NR6A1: variants seen among roughly 807,000 people sequenced by gnomAD.
NR6A1 encodes nuclear receptor subfamily 6 group A member 1.
A neutral mutation model predicts 59.1 loss-of-function variants in NR6A1; 7 were observed. The observed-to-expected ratio is 0.12, with a 90% confidence interval of 0.07 to 0.22. The LOEUF is 0.22. NR6A1 is among the 10% of genes least tolerant of loss of function. NR6A1 has a pLI of 1.00. For synonymous variants in NR6A1, 243 were observed against 236.1 expected (o/e 1.03, Z -0.27); for missense variants, 468 against 611.6 (o/e 0.77, Z 2.48).
intron 2 of NR6A1, among the ~76,000 whole-genome samples, chr9:124,643,191 G>C (rs1163327044): frequency 6.6e-6 from 1 of 152,138 alleles, no homozygotes; most frequent in African/African-American, 2.4e-5. Context: ...GCTGGGCACA[G>C]TGGCTCACAC....
chr9:124,677,053 G>A (rs1837986282), intron 2 of NR6A1, among the ~76,000 whole-genome samples: 1 of 151,716 alleles, frequency 6.6e-6, no homozygotes, highest in African/African-American at 2.4e-5. Flanking sequence ...TCCCTCCAGT[G>A]GCATCCAAGA....
At chr9:124,530,369 A>G (rs1344450401) in intron 7 of NR6A1, among the ~76,000 whole-genome samples, 1 of 152,168 alleles carries the variant, frequency 6.6e-6, no homozygotes, top group African/African-American at 2.4e-5. Flanking sequence ...CTTGATAAAC[A>G]AAGTTGTTCT....
intron 2 of NR6A1, among the ~76,000 whole-genome samples, chr9:124,670,417 C>T (rs530621912): frequency 7.3e-5 from 11 of 151,422 alleles, no homozygotes; most frequent in African/African-American, 2.7e-4. Context: ...ACATACTTCT[C>T]GAATTTCTTT....
At chr9:124,765,521 C>G (rs1470923846) in intron 1 of NR6A1, among the ~76,000 whole-genome samples, 1 of 152,096 alleles carries the variant, frequency 6.6e-6, no homozygotes. Flanking sequence ...AATGAAGTTT[C>G]AAAGTAGGCT....
At chr9:124,586,067 C>G (rs1232365999) in intron 2 of NR6A1, among the ~76,000 whole-genome samples, 2 of 152,200 alleles carry the variant, frequency 1.3e-5, no homozygotes, top group Non-Finnish European at 2.9e-5. Context: ...GTTTTCATGT[C>G]TGCTAACATA....
intron 2 of NR6A1, among the ~76,000 whole-genome samples, chr9:124,656,548 A>G (rs529431433): frequency 3.9e-5 from 6 of 152,200 alleles, no homozygotes; most frequent in African/African-American, 1.4e-4. Flanking sequence ...AAACAGACAG[A>G]GGCTAGGCAC....
intron 1 of NR6A1, among the ~76,000 whole-genome samples, chr9:124,747,766 C>T (rs939960717): frequency 6.6e-6 from 1 of 152,116 alleles, no homozygotes; most frequent in South Asian, 2.1e-4. Flanking sequence ...ACAGTCCCCT[C>T]GAATAATATA....
intron 2 of NR6A1, among the ~76,000 whole-genome samples, chr9:124,643,629 G>A (rs1836835936): frequency 6.7e-6 from 1 of 150,120 alleles, no homozygotes; most frequent in Admixed American, 6.6e-5. Flanking sequence ...CAGGTGTGGT[G>A]GTACACATCT....
intron 2 of NR6A1, among the ~76,000 whole-genome samples, chr9:124,721,046 C>T (rs1358073639): frequency 6.6e-6 from 1 of 152,010 alleles, no homozygotes; most frequent in Non-Finnish European, 1.5e-5. Context: ...AATATTGCTC[C>T]CATGGAAAGA....
intron 2 of NR6A1, among the ~76,000 whole-genome samples, chr9:124,571,991 A>C (rs1834451708): frequency 6.6e-6 from 1 of 152,200 alleles, no homozygotes; most frequent in Non-Finnish European, 1.5e-5. Flanking sequence ...AGGAAGAACA[A>C]GAAGAGATAG....
At chr9:124,586,766 G>A (rs926643557) in intron 2 of NR6A1, among the ~76,000 whole-genome samples, 1 of 152,142 alleles carries the variant, frequency 6.6e-6, no homozygotes, top group African/African-American at 2.4e-5. Flanking sequence ...AAACTTTAAT[G>A]GATGAGGAGT....
At chr9:124,701,880 C>A (rs1368827879) in intron 2 of NR6A1, among the ~76,000 whole-genome samples, 1 of 152,022 alleles carries the variant, frequency 6.6e-6, no homozygotes, top group Non-Finnish European at 1.5e-5. Flanking sequence ...CCTGCCACCA[C>A]GCCCAGGTAG....
chr9:124,598,144 C>T (rs961815862), intron 2 of NR6A1, among the ~76,000 whole-genome samples: 1 of 152,130 alleles, frequency 6.6e-6, no homozygotes, highest in African/African-American at 2.4e-5. Flanking sequence ...CAACCACACC[C>T]GGCCTAAACA....
At chr9:124,649,366 A>T (rs924768130) in intron 2 of NR6A1, among the ~76,000 whole-genome samples, 27 of 152,060 alleles carry the variant, frequency 1.8e-4, no homozygotes, top group Admixed American at 9.8e-4. Context: ...AAGGACAGTC[A>T]CTCCAATAAA....
At chr9:124,719,372 C>T (rs1003945639) in intron 2 of NR6A1, among the ~76,000 whole-genome samples, 3 of 152,094 alleles carry the variant, frequency 2.0e-5, no homozygotes, top group Non-Finnish European at 4.4e-5. Context: ...TCTCACCTGG[C>T]CTGTAATTTT....
At chr9:124,724,003 T>G (rs1180040577) in intron 2 of NR6A1, among the ~76,000 whole-genome samples, 1 of 152,214 alleles carries the variant, frequency 6.6e-6, no homozygotes, top group Non-Finnish European at 1.5e-5. Flanking sequence ...TTATTTATGA[T>G]GCAGAAAAAA....
chr9:124,599,364 A>C (rs1360659135), intron 2 of NR6A1: 1 of 358,060 alleles, frequency 2.8e-6, no homozygotes, highest in Non-Finnish European at 5.3e-6. Context: ...GGTTGCAGTG[A>C]GCCGAGATGG....
At chr9:124,555,167 G>T (rs191908211) in intron 2 of NR6A1, among the ~76,000 whole-genome samples, 36 of 152,254 alleles carry the variant, frequency 2.4e-4, no homozygotes, top group African/African-American at 8.4e-4. Flanking sequence ...AAATCATCAT[G>T]ATCCCCAGAG....
chr9:124,676,881 C>T (rs546719298), intron 2 of NR6A1, among the ~76,000 whole-genome samples: 17 of 152,226 alleles, frequency 1.1e-4, no homozygotes, highest in Non-Finnish European at 1.9e-4. Flanking sequence ...CTTTAAAATT[C>T]GTGACTAGAG....
Sources: gnomAD v4.1 joint callset for allele counts (sites outside exome capture counted in the v4.1 genomes callset) on GRCh38, gnomAD v4.1.1 for gene constraint, MANE v1.5 for transcripts, NCBI Gene and HGNC (gene_info 2026-07-23, HGNC 2026-07-21) for gene names.